The following RAD51B variants were observed in gnomAD, a reference collection of about 807,000 sequenced individuals.
RAD51B encodes the protein RAD51 paralog B.
In RAD51B, 38 loss-of-function variants were observed where a neutral mutation model predicts 42.2. The ratio of observed to expected loss-of-function variants is 0.90; its 90% CI spans 0.70 to 1.18. The LOEUF is 1.18. Among genes scored for constraint, RAD51B ranks in the 50% most tolerant of loss-of-function variants. The pLI is 0.00. For synonymous variants in RAD51B, 154 were observed against 145.2 expected (o/e 1.06, Z -0.43); for missense variants, 373 against 400.7 (o/e 0.93, Z 0.59).
At chr14:67,988,231 C>T (rs1031014204) in intron 7 of RAD51B, among the ~76,000 whole-genome samples, 7 of 151,946 alleles carry the variant, frequency 4.6e-5, no homozygotes, top group Non-Finnish European at 8.8e-5. Flanking sequence ...GAGGTCAAGG[C>T]GAGCGGATCA....
intron 10 of RAD51B, among the ~76,000 whole-genome samples, chr14:68,569,409 C>T (rs1005891665): frequency 1.3e-5 from 2 of 152,294 alleles, no homozygotes; most frequent in Admixed American, 1.3e-4. Flanking sequence ...GAAAGAGGCT[C>T]GTTTTGTGTT....
chr14:67,875,611 C>CTA (rs941046992), intron 5 of RAD51B, among the ~76,000 whole-genome samples: 9 of 152,140 alleles, frequency 5.9e-5, no homozygotes, highest in Admixed American at 2.6e-4. Flanking sequence ...GAGCAATAGG[C>CTA]TATACCATAT....
At chr14:68,616,765 G>T (rs535392005) in intron 10 of RAD51B, among the ~76,000 whole-genome samples, 12 of 151,942 alleles carry the variant, frequency 7.9e-5, no homozygotes, top group African/African-American at 2.2e-4. Flanking sequence ...TCATTTCTGG[G>T]TTTTTTGTTT....
chr14:68,290,712 C>T (rs1339333955), intron 7 of RAD51B, among the ~76,000 whole-genome samples: 1 of 152,068 alleles, frequency 6.6e-6, no homozygotes, highest in Non-Finnish European at 1.5e-5. Flanking sequence ...ATTCCTATAT[C>T]ACAAATTTGG....
intron 7 of RAD51B, among the ~76,000 whole-genome samples, chr14:68,217,767 C>T (rs749291827): frequency 1.6e-4 from 24 of 152,134 alleles, no homozygotes; most frequent in Admixed American, 1.1e-3. Context: ...AGCAGAGAGT[C>T]GGGCACTCAT....
chr14:68,494,654 T>A (rs1884362646), intron 10 of RAD51B, among the ~76,000 whole-genome samples: 1 of 152,174 alleles, frequency 6.6e-6, no homozygotes, highest in Admixed American at 6.5e-5. Flanking sequence ...TTTGTTACAT[T>A]TGTTTTCATC....
intron 10 of RAD51B, among the ~76,000 whole-genome samples, chr14:68,484,548 G>A (rs1376909509): frequency 6.6e-6 from 1 of 151,884 alleles, no homozygotes; most frequent in Non-Finnish European, 1.5e-5. Context: ...TAGTAGAGAC[G>A]GAGTTTCACC....
intron 8 of RAD51B, among the ~76,000 whole-genome samples, chr14:68,372,370 G>A (rs1243220134): frequency 6.6e-6 from 1 of 151,982 alleles, no homozygotes; most frequent in South Asian, 2.1e-4. Flanking sequence ...TTTTTAAGGT[G>A]GGTGTTTTTT....
intron 4 of RAD51B, among the ~76,000 whole-genome samples, chr14:67,859,542 G>C (rs2042097091): frequency 6.6e-6 from 1 of 152,114 alleles, no homozygotes; most frequent in Non-Finnish European, 1.5e-5. Context: ...TTATTCCCTT[G>C]AAATACTGGC....
At chr14:68,649,155 A>G (rs780889255) in intron 10 of RAD51B, among the ~76,000 whole-genome samples, 44 of 152,202 alleles carry the variant, frequency 2.9e-4, no homozygotes, top group Non-Finnish European at 4.3e-4. Flanking sequence ...ATTAAGATGG[A>G]TTGAGCTCCC....
intron 7 of RAD51B, among the ~76,000 whole-genome samples, chr14:68,278,227 G>A (rs1044530264): frequency 1.2e-4 from 18 of 152,196 alleles, no homozygotes; most frequent in African/African-American, 4.3e-4. Flanking sequence ...ACTATTTCCA[G>A]TACTACCAAT....
At chr14:68,508,238 C>G (rs1885481249) in intron 10 of RAD51B, among the ~76,000 whole-genome samples, 1 of 152,096 alleles carries the variant, frequency 6.6e-6, no homozygotes, top group Non-Finnish European at 1.5e-5. Flanking sequence ...CTCTGCCACC[C>G]TCTGGCAATT....
chr14:68,079,345 C>T (rs553222473), intron 7 of RAD51B, among the ~76,000 whole-genome samples: 1 of 152,182 alleles, frequency 6.6e-6, no homozygotes, highest in South Asian at 2.1e-4. Context: ...TAATTGTGGT[C>T]AAAATCTGCA....
intron 7 of RAD51B, among the ~76,000 whole-genome samples, chr14:68,229,812 A>G (rs1366275342): frequency 3.3e-5 from 5 of 152,202 alleles, no homozygotes; most frequent in African/African-American, 1.2e-4. Context: ...ATGTCTTTTT[A>G]GTTAGGCAAG....
chr14:68,114,597 A>G (rs1413802809), intron 7 of RAD51B, among the ~76,000 whole-genome samples: 1 of 152,114 alleles, frequency 6.6e-6, no homozygotes, highest in African/African-American at 2.4e-5. Flanking sequence ...TCTCATTGTG[A>G]TAAGTTTCTT....
intron 10 of RAD51B, among the ~76,000 whole-genome samples, chr14:68,508,465 G>C (rs1452297195): frequency 6.6e-6 from 1 of 152,204 alleles, no homozygotes. Context: ...GCTCCTGTTA[G>C]CTAGAGACCG....
chr14:68,142,862 T>C (rs921004857), intron 7 of RAD51B, among the ~76,000 whole-genome samples: 1 of 152,148 alleles, frequency 6.6e-6, no homozygotes, highest in Non-Finnish European at 1.5e-5. Context: ...TGCAAATTAT[T>C]GATGAGAGTC....
At chr14:68,227,861 T>A (rs2080070961) in intron 7 of RAD51B, among the ~76,000 whole-genome samples, 1 of 152,174 alleles carries the variant, frequency 6.6e-6, no homozygotes, top group African/African-American at 2.4e-5. Flanking sequence ...GTGCTGGCCA[T>A]TCATGAATTT....
chr14:68,028,523 T>G (rs2075989571), intron 7 of RAD51B, among the ~76,000 whole-genome samples: 1 of 152,206 alleles, frequency 6.6e-6, no homozygotes. Context: ...ATAACTCGAC[T>G]TGGCACTCCC....
Sources: allele counts gnomAD v4.1 joint callset (sites outside exome capture counted in the v4.1 genomes callset), GRCh38; gene constraint gnomAD v4.1.1; transcripts MANE v1.5; gene names NCBI Gene and HGNC (gene_info 2026-07-23, HGNC 2026-07-21).